Variants in COG4 observed in about 807,000 individuals in gnomAD.
COG4 encodes the protein conserved oligomeric Golgi complex subunit 4.
Under a neutral mutation model 95.1 loss-of-function variants are expected in COG4, and 65 were observed. That is an observed-to-expected ratio of 0.68 (90% CI 0.56 to 0.84). The LOEUF is 0.84. COG4 is among the 40% of genes least tolerant of loss of function. COG4 has a pLI of 0.00. For missense variants in COG4, 1,045 were observed against 989.1 expected, an observed-to-expected ratio of 1.06 and a Z score of -0.76; for synonymous variants, 421 against 374.8, an observed-to-expected ratio of 1.12 and a Z score of -1.42.
intron 7 of COG4, chr16:70,508,886 T>C (rs2049637188): frequency 1.9e-6 from 1 of 537,140 alleles, no homozygotes; most frequent in African/African-American, 1.9e-5. Flanking sequence ...AGACAATTAC[T>C]TGGACACTTA....
chr16:70,486,875 A>C (rs554133561), intron 13 of COG4, among the ~76,000 whole-genome samples: 2 of 152,128 alleles, frequency 1.3e-5, no homozygotes, highest in Non-Finnish European at 2.9e-5. Context: ...GCACACCTGT[A>C]GTCTCAGCTA....
intron 8 of COG4, among the ~76,000 whole-genome samples, chr16:70,505,144 A>G (rs1357442267): frequency 1.3e-5 from 2 of 151,216 alleles, no homozygotes; most frequent in African/African-American, 4.9e-5. Flanking sequence ...TATCTGGCAC[A>G]TGTGTACTCA....
chr16:70,509,386 T>A lies in COG4; in HGVS notation c.847A>T (p.Ile283Phe), dbSNP rs761989788. ...TGGTGGGTCTCCACAATGCGGGCAATCCCTAGAAGGGAGGAAGCAATAGGG... is the reference window on the plus strand; with the variant it reads ...TGGTGGGTCTCCACAATGCGGGCAAACCCTAGAAGGGAGGAAGCAATAGGG... ...ADTLTLLFEG[I>F]ARIVETHQPI... The change falls in exon 7 of 19, where the codon ATT (isoleucine) becomes TTT (phenylalanine). Residue 283 changes from isoleucine (I) to phenylalanine (F), a missense_variant and splice_region_variant. Coordinates refer to ENST00000323786, the MANE Select transcript of COG4 (RefSeq NM_015386.3). The A allele has an allele frequency of 1.2e-5, 19 of 1,614,050 alleles. No homozygotes were observed. The highest frequency in any genetic ancestry group is 2.7e-5 in the African/African-American group (2 of 74,930).
intron 8 of COG4, among the ~76,000 whole-genome samples, chr16:70,506,485 G>T (rs2049569749): frequency 6.6e-6 from 1 of 151,100 alleles, no homozygotes; most frequent in Non-Finnish European, 1.5e-5. Context: ...CCAGCTACTT[G>T]GGAGGCTGAG....
intron 8 of COG4, among the ~76,000 whole-genome samples, chr16:70,504,224 C>G (rs999961687): frequency 2.6e-5 from 4 of 152,146 alleles, no homozygotes; most frequent in East Asian, 3.9e-4. Context: ...CCCATACCCC[C>G]CTGGGGTATT....
At position 70,481,018 on chromosome 16, in the gene COG4, G is replaced by A. The variant is rs751066284; in HGVS notation, c.2362C>T (p.Arg788Cys). Reference protein sequence around the residue: ...DFRSEDIKRLRL With the variant: ...DFRSEDIKRLCL ...TGTGCTCATCCAGGCAGCTACAGGC[G>A]CAGCCTCTTGATATCTTCACTGCGG... The change falls in exon 19 of 19, where the codon CGC (arginine) becomes TGC (cysteine). Residue 788 changes from arginine to cysteine, a missense_variant. Arg to Cys is a radical substitution (Grantham distance 180, BLOSUM62 -3). Transcript: ENST00000323786. The A allele has an allele frequency of 3.1e-6, 5 of 1,612,558 alleles. No individual in the cohort carries two copies. The highest frequency in any genetic ancestry group is 1.7e-5 in the Admixed American group (1 of 60,020).
chr16:70,509,890 T>C lies in COG4; in HGVS notation c.844+26A>G, dbSNP rs535847825. 2.6e-4 allele frequency: 405 copies of C among 1,567,640 alleles called. 5 individuals carry two copies. The South Asian group carries it at 4.1e-3, about 16-fold the overall frequency. On this transcript the variant is annotated intron_variant, in intron 6 of 18. Transcript: ENST00000323786. ...CAGGTGTCATATACAGTCTCCAGTCTCTCTAGAGCGGAGAAAGAGGCTCAC... is the reference window on the plus strand; with the variant it reads ...CAGGTGTCATATACAGTCTCCAGTCCCTCTAGAGCGGAGAAAGAGGCTCAC...
chr16:70,510,609 G>A (rs2049680636), intron 5 of COG4, among the ~76,000 whole-genome samples: 1 of 152,192 alleles, frequency 6.6e-6, no homozygotes, highest in African/African-American at 2.4e-5. Flanking sequence ...ACAGGCGTGA[G>A]CCATTATGCC....
chr16:70,498,197 C>A (rs112607033), intron 9 of COG4, 142 bp from the exon 10 acceptor site: 5 of 654,868 alleles, frequency 7.6e-6, no homozygotes, highest in African/African-American at 3.7e-5. Flanking sequence ...ATACAGATAG[C>A]AATTTTGAAT....
At chr16:70,487,212 G>T (rs1353724460) in intron 13 of COG4, among the ~76,000 whole-genome samples, 1 of 151,390 alleles carries the variant, frequency 6.6e-6, no homozygotes, top group South Asian at 2.1e-4. Context: ...AATCGCAGAG[G>T]TTGCAGTGAG....
intron 14 of COG4, 99 bp downstream of exon 14, chr16:70,483,754 C>T (rs577951733): frequency 8.0e-5 from 75 of 943,042 alleles, no homozygotes; most frequent in African/African-American, 7.1e-4. Flanking sequence ...CTCCCTCACC[C>T]GTCCTCCTGG....
Position 70,517,671 on chromosome 16 carries a change from C to A in COG4, c.324G>T (p.Leu108=). ...LAGMITFTCN[L]AENVSSKVRQ... The stretch of plus-strand genomic sequence containing the variant: ...GAACTTTGCTGGACACATTCTCAGC[C>A]AGGTTGCAGGTAAAGGTGATCATTC... The change falls in exon 3 of 19, where the codon CTG becomes CTT. Residue 108 remains leucine, a synonymous_variant. Transcript: ENST00000323786. The A allele has an allele frequency of 1.2e-6, 2 of 1,613,564 alleles. No individual in the cohort carries two copies. Among genetic ancestry groups the A allele is most frequent in the Non-Finnish European group, 1.7e-6 (2 of 1,179,936 alleles).
rs766767807 is a variant in COG4 at position 70,497,217 on chromosome 16, G to A, written c.1481+4C>T. The A allele has an allele frequency of 1.2e-6, 2 of 1,613,934 alleles. No individual in the cohort carries two copies. The highest frequency in any genetic ancestry group is 1.7e-6 in the Non-Finnish European group (2 of 1,179,808). ...CTAGAAAGGAGAAAGGGAGTCAACT[G>A]TACCTGAAGTCAGACTCCAGCTCTG... On this transcript the variant is annotated splice_donor_region_variant and intron_variant, in intron 11 of 18. Transcript: ENST00000323786.
rs139256651 is a variant in COG4, at chr16:70,486,935, C to T, written c.1711-2966G>A. Among the ~76,000 whole-genome samples the T allele has an allele frequency of 1.7e-4, 25 of 149,964 alleles. No homozygotes were observed. In the East Asian group the frequency reaches 4.7e-3, roughly 28 times the overall value. On this transcript the variant is annotated intron_variant, in intron 13 of 18. Transcript: ENST00000323786. ...GCTTGAATCCGGGAGGTGGAGGTTG[C>T]AGTAAGCCGAGACTGCGCCACTGCA... is the stretch of plus-strand genomic sequence containing the variant.
intron 14 of COG4, among the ~76,000 whole-genome samples, chr16:70,483,175 C>G: frequency 2.1e-5 from 1 of 46,560 alleles, no homozygotes; most frequent in Non-Finnish European, 4.0e-5. Flanking sequence ...CCCACCCCTT[C>G]CCTCTCTCCT....
rs994717857 is a variant in COG4, at chr16:70,492,385, G to A, written c.1648-1993C>T. On this transcript the variant is annotated intron_variant, in intron 12 of 18. Transcript: ENST00000323786. Reference sequence around the variant, plus strand: ...GATAAAAGTAGCATGGAGGCCAGGCGCAGTGGCTCATGCCTGTAATCACAG... The same window carrying A: ...GATAAAAGTAGCATGGAGGCCAGGCACAGTGGCTCATGCCTGTAATCACAG... Among the ~76,000 whole-genome samples the A allele has an allele frequency of 4.6e-5, 7 of 152,096 alleles. No homozygotes were observed. The South Asian group carries it at 1.0e-3, about 23-fold the overall frequency.
chr16:70,516,164 G>C, intron 3 of COG4: 1 of 397,992 alleles, frequency 2.5e-6, no homozygotes, highest in South Asian at 1.9e-5. Context: ...AAGTAATTGC[G>C]GTCTTGGCCA....
chr16:70,495,390 T>C (rs13334577), intron 12 of COG4, among the ~76,000 whole-genome samples: 16,620 of 127,322 alleles, frequency 0.13, 3,346 homozygotes, highest in African/African-American at 0.45. Flanking sequence ...AGAGCAAGAC[T>C]CCATCTCAAA....
intron 13 of COG4, among the ~76,000 whole-genome samples, chr16:70,489,743 C>T (rs1301442698): frequency 2.9e-5 from 4 of 137,864 alleles, no homozygotes; most frequent in Non-Finnish European, 4.8e-5. Context: ...CATCTCATTT[C>T]GTAGATGAGA....
Sources: gnomAD v4.1 joint callset for allele counts (sites outside exome capture counted in the v4.1 genomes callset) on GRCh38, gnomAD v4.1.1 for gene constraint, MANE v1.5 for transcripts, NCBI Gene and HGNC (gene_info 2026-07-23, HGNC 2026-07-21) for gene names.